Variants in GRWD1 observed in about 807,000 individuals in gnomAD.
The protein encoded by GRWD1 is glutamate-rich WD repeat-containing protein 1.
GRWD1 carries 29 observed loss-of-function variants against 45.3 expected under a neutral mutation model. The ratio of observed to expected loss-of-function variants is 0.64; its 90% CI spans 0.48 to 0.87. The LOEUF (loss-of-function observed/expected upper bound fraction) is 0.87, where lower values mean the gene tolerates loss of function less well. Among genes scored for constraint, GRWD1 ranks in the 40% least tolerant of loss-of-function variants. The pLI is 0.00. For synonymous variants in GRWD1, 262 were observed against 257.6 expected, an observed-to-expected ratio of 1.02 and a Z score of -0.16; for missense variants, 592 against 618.8, an observed-to-expected ratio of 0.96 and a Z score of 0.46.
intron 3 of GRWD1, among the ~76,000 whole-genome samples, chr19:48,448,050 C>T (rs887778668): frequency 2.0e-5 from 3 of 152,132 alleles, no homozygotes; most frequent in East Asian, 1.9e-4. Context: ...CTCCCAGGTT[C>T]AAGTGATTCT....
chr19:48,452,804 G>A lies in GRWD1; in HGVS notation c.1120G>A (p.Ala374Thr), dbSNP rs1211445453. Residue 374 changes from alanine (A) to threonine (T), a missense_variant, in exon 7 of 7, where the codon GCA becomes ACA. Coordinates refer to ENST00000253237, the MANE Select transcript of GRWD1 (RefSeq NM_031485.4). This position sits in a 1 kb window ranked among gnomAD's most constrained non-coding sequence, Gnocchi z 5.1. ...CAGCGGGGTCTTTGCAGCCTCGGGT[G>A]CAGACCACCAGATCACACAGTGGGA... ...QDSGVFAASG[A>T]DHQITQWDLA... 1 of 1,613,068 alleles carries A rather than the reference G, an allele frequency of 6.2e-7. No homozygotes were observed. Among genetic ancestry groups the A allele is most frequent in the Non-Finnish European group, 8.5e-7 (1 of 1,179,202 alleles).
At chr19:48,451,690 G>T (rs1204078878) in intron 6 of GRWD1, among the ~76,000 whole-genome samples, 1 of 152,230 alleles carries the variant, frequency 6.6e-6, no homozygotes, top group Non-Finnish European at 1.5e-5. Flanking sequence ...GTGGAGCTGG[G>T]AGGGTCCCTG....
In GRWD1 at chr19:48,446,795, G is replaced by C; in HGVS notation, c.420G>C (p.Gln140His). Residue 140 changes from glutamine (Q) to histidine (H), a missense_variant, in exon 3 of 7, where the codon CAG becomes CAC. Physicochemically the swap from Gln to His is conservative, Grantham distance 24. Coordinates refer to ENST00000253237, the MANE Select transcript of GRWD1 (RefSeq NM_031485.4). ...AGGATGAAGAAGAGCGGAAACCTCA[G>C]CTGGAGCTGGCCATGGTGCCCCACT... ...DEEDEEERKP[Q>H]LELAMVPHYG... 6.2e-7 allele frequency: 1 copy of C among 1,614,090 alleles called. No individual in the cohort carries two copies. The highest frequency in any genetic ancestry group is 2.2e-5 in the East Asian group (1 of 44,882).
Position 48,446,390 on chromosome 19 carries a change from C to T in GRWD1, c.193C>T (p.Pro65Ser), listed in dbSNP as rs1186344725. The T allele has an allele frequency of 1.2e-6, 2 of 1,614,106 alleles. No homozygotes were observed. Among genetic ancestry groups the T allele is most frequent in the Non-Finnish European group, 1.7e-6 (2 of 1,179,976 alleles). ...VLYHRAQTGAPCLSFDIVRDH... is the reference protein window; with the variant it reads ...VLYHRAQTGASCLSFDIVRDH... Reference sequence around the variant, plus strand: ...ACCCCGCCTTCCATCCCCAGGCGCCCCCTGTCTCAGCTTTGACATAGTCCG... The same window carrying T: ...ACCCCGCCTTCCATCCCCAGGCGCCTCCTGTCTCAGCTTTGACATAGTCCG... Residue 65 changes from proline to serine, a missense_variant, in exon 2 of 7, where the codon CCC becomes TCC. Coordinates refer to ENST00000253237, the MANE Select transcript of GRWD1 (RefSeq NM_031485.4).
In GRWD1 at chr19:48,452,417, G is replaced by A. The variant is rs901011064; in HGVS notation, c.1024-291G>A. ...CCAGCCCATGCCCTCCTTTTACAAG[G>A]AAGAAAACAGGCAGGCAGAGGGAAG... On this transcript the variant is annotated intron_variant, in intron 6 of 6. Transcript: ENST00000253237. This position sits in a 1 kb window ranked among gnomAD's most constrained non-coding sequence, Gnocchi z 5.1. Among the ~76,000 whole-genome samples, 1 of 152,132 alleles carries A rather than the reference G, an allele frequency of 6.6e-6. No individual in the cohort carries two copies. The highest frequency in any genetic ancestry group is 6.5e-5 in the Admixed American group (1 of 15,278).
In GRWD1 at chr19:48,450,501, C is replaced by G. The variant is rs1295083047; in HGVS notation, c.657C>G (p.Ala219=). 6.2e-7 allele frequency: 1 copy of G among 1,614,048 alleles called. No individual in the cohort carries two copies. The highest frequency in any genetic ancestry group is 8.5e-7 in the Non-Finnish European group (1 of 1,180,032). ...CTGGACACATGGGCGAGGGCTTTGC[C>G]CTTGACTGGTCCCCCCGGGTGACCG... ...SFAGHMGEGF[A]LDWSPRVTGR... is the part of the protein sequence containing the mutation. Residue 219 remains alanine (A), a synonymous_variant, in exon 4 of 7, where the codon GCC becomes GCG. Transcript: ENST00000253237. The surrounding 1 kb of genome is among the most constrained non-coding windows in gnomAD (Gnocchi z 5.1).
rs1397426911 is a variant in GRWD1 at position 48,456,872 on chromosome 19, A to G, written c.*3847A>G. The G allele has an allele frequency of 2.0e-5, 3 of 151,778 alleles. No homozygotes were observed. The highest frequency in any genetic ancestry group is 7.3e-5 in the African/African-American group (3 of 41,286). 9.4% of individuals were successfully genotyped at this position (151,778 alleles called of 1,614,324 possible). Reference sequence around the variant, plus strand: ...ATTTTTAATTATTTATTTATTTTTTAGAGACAGGGTTTTGCTGTCTTCCCC... The same window carrying G: ...ATTTTTAATTATTTATTTATTTTTTGGAGACAGGGTTTTGCTGTCTTCCCC... On this transcript the variant is annotated 3_prime_UTR_variant, in exon 7 of 7. Coordinates refer to ENST00000253237, the MANE Select transcript of GRWD1 (RefSeq NM_031485.4).
chr19:48,448,982 A>G (rs1473412240), intron 3 of GRWD1, among the ~76,000 whole-genome samples: 7 of 152,124 alleles, frequency 4.6e-5, no homozygotes, highest in African/African-American at 1.7e-4. Flanking sequence ...AATTGCAGAG[A>G]GGTAAGGGTC....
At chr19:48,451,331 G>C in intron 6 of GRWD1, 100 bp downstream of exon 6, 1 of 1,039,798 alleles carries the variant, frequency 9.6e-7, no homozygotes, top group Non-Finnish European at 1.4e-6. Context: ...TACACAACCA[G>C]AGCTGGAGAG....
chr19:48,446,784 C>T lies in GRWD1; in HGVS notation c.409C>T (p.Arg137Trp), dbSNP rs200480479. Reference protein sequence around the residue: ...EEEDEEDEEERKPQLELAMVP... With the variant: ...EEEDEEDEEEWKPQLELAMVP... ...GGAAGATGAAGAGGATGAAGAAGAGCGGAAACCTCAGCTGGAGCTGGCCAT... is the reference window on the plus strand; with the variant it reads ...GGAAGATGAAGAGGATGAAGAAGAGTGGAAACCTCAGCTGGAGCTGGCCAT... The change falls in exon 3 of 7, where the codon CGG becomes TGG. Residue 137 changes from arginine to tryptophan, a missense_variant. Transcript: ENST00000253237. 28 of 1,614,100 alleles carry T rather than the reference C, an allele frequency of 1.7e-5. No homozygotes were observed. The African/African-American group carries it at 2.7e-4, about 15-fold the overall frequency.
Position 48,454,347 on chromosome 19 carries a change from T to C in GRWD1, c.*1322T>C, listed in dbSNP as rs1971510714. 6.6e-6 allele frequency: 1 copy of C among 152,298 alleles called. No homozygotes were observed. The highest frequency in any genetic ancestry group is 1.5e-5 in the Non-Finnish European group (1 of 68,404). 9.4% of individuals were successfully genotyped at this position (152,298 alleles called of 1,614,324 possible). On this transcript the variant is annotated 3_prime_UTR_variant, in exon 7 of 7. Transcript: ENST00000253237. ...TCTCCTGTCCAGCCTGCCTGGGCTGTGGCCCAGCCGCTCTGCCTGGCTGGC... is the reference window on the plus strand; with the variant it reads ...TCTCCTGTCCAGCCTGCCTGGGCTGCGGCCCAGCCGCTCTGCCTGGCTGGC...
In GRWD1 at chr19:48,446,934, C is replaced by CTTTT. The variant is rs752488198; in HGVS notation, c.468+108_468+111dup. ...ATAACTCCCAACACCTCCTCATGTT[C>CTTTT]TTTTTTTTTTTTTTTTTTTTGAGAC... On this transcript the variant is annotated intron_variant, in intron 3 of 6. Coordinates refer to ENST00000253237, the MANE Select transcript of GRWD1 (RefSeq NM_031485.4). 87 of 606,532 alleles carry CTTTT rather than the reference C, an allele frequency of 1.4e-4. 1 individual carries two copies. Among genetic ancestry groups the CTTTT allele is most frequent in the South Asian group, 2.7e-4 (10 of 37,254 alleles). The allele number at this position is 606,532 out of a possible 1,614,324, so 37.6% of individuals were successfully genotyped here. A position where few individuals can be genotyped will look rare whatever the true frequency, so the allele number is the denominator to read the frequency against.
In GRWD1 at chr19:48,454,464, G is replaced by C. The variant is rs968022396; in HGVS notation, c.*1439G>C. The C allele has an allele frequency of 2.6e-5, 4 of 152,010 alleles. No individual in the cohort carries two copies. The highest frequency in any genetic ancestry group is 9.7e-5 in the African/African-American group (4 of 41,280). 9.4% of individuals were successfully genotyped at this position (152,010 alleles called of 1,614,324 possible). On this transcript the variant is annotated 3_prime_UTR_variant, in exon 7 of 7. Coordinates refer to ENST00000253237, the MANE Select transcript of GRWD1 (RefSeq NM_031485.4). ...ATCCATCTGTGGACTCCGAGGTCGG[G>C]TGCCCGTCACACGGCCCCTGGGACC...
intron 3 of GRWD1, among the ~76,000 whole-genome samples, chr19:48,447,265 G>T (rs1277302206): frequency 3.3e-5 from 5 of 150,386 alleles, no homozygotes; most frequent in African/African-American, 7.3e-5. Context: ...GTTTTTTTTT[G>T]AGATGAAGTC....
rs1437057108 is a variant in GRWD1 at position 48,450,335 on chromosome 19, C to A, written c.491C>A (p.Pro164His). 6.2e-7 allele frequency: 1 copy of A among 1,612,542 alleles called. No homozygotes were observed. Residue 164 changes from proline (P) to histidine (H), a missense_variant, in exon 4 of 7, where the codon CCT becomes CAT. Pro to His is a moderately conservative substitution (Grantham distance 77). Coordinates refer to ENST00000253237, the MANE Select transcript of GRWD1 (RefSeq NM_031485.4). This position sits in a 1 kb window ranked among gnomAD's most constrained non-coding sequence, Gnocchi z 5.1. ...CAGGTGTCATGGCTGGGTGAAGAGC[C>A]TGTGGCTGGGGTGTGGTCAGAGAAG... ...RVRVSWLGEE[P>H]VAGVWSEKGQ...
In GRWD1 at chr19:48,446,448, C is replaced by G; in HGVS notation, c.251C>G (p.Pro84Arg). 1 of 1,614,178 alleles carries G rather than the reference C, an allele frequency of 6.2e-7. No individual in the cohort carries two copies. The highest frequency in any genetic ancestry group is 8.5e-7 in the Non-Finnish European group (1 of 1,180,038). The change falls in exon 2 of 7, where the codon CCT (proline) becomes CGT (arginine). Residue 84 changes from proline (P) to arginine (R), a missense_variant. Transcript: ENST00000253237. ...DHLGDNRTEL[P>R]LTLYLCAGTQ... Reference sequence around the variant, plus strand: ...CTGGGAGACAACCGGACAGAGCTTCCTCTTACACTTTACTTGTGTGCTGGG... The same window carrying G: ...CTGGGAGACAACCGGACAGAGCTTCGTCTTACACTTTACTTGTGTGCTGGG...
At chr19:48,447,751 C>T (rs1037701871) in intron 3 of GRWD1, among the ~76,000 whole-genome samples, 8 of 152,202 alleles carry the variant, frequency 5.3e-5, no homozygotes, top group African/African-American at 1.9e-4. Context: ...AGTGTCATTA[C>T]ATGTTAGGTA....
At position 48,456,836 on chromosome 19, in the gene GRWD1, CTTTATTT is replaced by C. The variant is rs1456900474; in HGVS notation, c.*3821_*3827del. On this transcript the variant is annotated 3_prime_UTR_variant, in exon 7 of 7. Coordinates refer to ENST00000253237, the MANE Select transcript of GRWD1 (RefSeq NM_031485.4). Reference sequence around the variant, plus strand: ...GCGATTCCCTCCATTTCTTTTCTTCCTTTATTTTTTATTTTTAATTATTTATTTATTT... The same window carrying C: ...GCGATTCCCTCCATTTCTTTTCTTCCTTTATTTTTAATTATTTATTTATTT... The C allele has an allele frequency of 3.9e-5, 6 of 151,928 alleles. No homozygotes were observed. The highest frequency in any genetic ancestry group is 1.2e-4 in the African/African-American group (5 of 41,348). The allele number at this position is 151,928 out of a possible 1,614,324, so 9.4% of individuals were successfully genotyped here.
At chr19:48,446,239 G>T in intron 1 of GRWD1, 47 bp downstream of exon 1, 1 of 1,575,834 alleles carries the variant, frequency 6.3e-7, no homozygotes, top group Non-Finnish European at 8.6e-7. Context: ...CTGATCCCGA[G>T]CCTTTAACCT....
Sources: allele counts gnomAD v4.1 joint callset (sites outside exome capture counted in the v4.1 genomes callset), GRCh38; gene constraint gnomAD v4.1.1; non-coding constraint Gnocchi (gnomAD v3.1); transcripts MANE v1.5; gene names NCBI Gene and HGNC (gene_info 2026-07-23, HGNC 2026-07-21).